EYS: variants seen among roughly 807,000 people sequenced by gnomAD.
The protein encoded by EYS is protein eyes shut homolog.
Under a neutral mutation model 282.1 loss-of-function variants are expected in EYS, and 250 were observed. That is an observed-to-expected ratio of 0.89 (90% CI 0.80 to 0.98). The LOEUF is 0.98. EYS is among the 50% of genes least tolerant of loss of function. The probability of loss-of-function intolerance (pLI) is 0.00; values close to 1 mark genes in which losing one functional copy is unlikely to be tolerated. For synonymous variants in EYS, 1,355 were observed against 1,282.9 expected, an observed-to-expected ratio of 1.06 and a Z score of -1.20; for missense variants, 4,016 against 3,709.0, an observed-to-expected ratio of 1.08 and a Z score of -2.15.
chr6:64,272,051 T>C (rs1245053230), intron 30 of EYS, among the ~76,000 whole-genome samples: 4 of 152,124 alleles, frequency 2.6e-5, no homozygotes, highest in Non-Finnish European at 5.9e-5. Flanking sequence ...ACTTTAAGTT[T>C]TGTAATATAT....
At chr6:63,943,901 G>A (rs1765313344) in intron 35 of EYS, among the ~76,000 whole-genome samples, 1 of 152,146 alleles carries the variant, frequency 6.6e-6, no homozygotes, top group South Asian at 2.1e-4. Context: ...TCAATAAGAG[G>A]TTTTCCTAAC....
At chr6:65,338,329 A>G (rs1770068689) in intron 10 of EYS, among the ~76,000 whole-genome samples, 1 of 151,220 alleles carries the variant, frequency 6.6e-6, no homozygotes, top group Admixed American at 6.6e-5. Context: ...AAATTATATC[A>G]GTAGACATAT....
chr6:64,938,530 T>A (rs75552124), intron 15 of EYS, among the ~76,000 whole-genome samples: 4,885 of 151,750 alleles, frequency 0.032, 131 homozygotes, highest in East Asian at 0.13. Context: ...ACGTGATGTC[T>A]TGTCTTTACA....
chr6:65,654,052 A>T (rs1023243881), intron 1 of EYS, among the ~76,000 whole-genome samples: 2 of 151,954 alleles, frequency 1.3e-5, no homozygotes, highest in Non-Finnish European at 1.5e-5. Context: ...TTATAGGATT[A>T]TTAGAAGTAT....
At chr6:65,207,988 A>C (rs1333447395) in intron 12 of EYS, among the ~76,000 whole-genome samples, 1 of 151,848 alleles carries the variant, frequency 6.6e-6, no homozygotes, top group Non-Finnish European at 1.5e-5. Flanking sequence ...CTAAAAGCAA[A>C]TGCAACATAA....
At chr6:64,072,379 T>G (rs980644013) in intron 32 of EYS, among the ~76,000 whole-genome samples, 1 of 147,818 alleles carries the variant, frequency 6.8e-6, no homozygotes, top group Non-Finnish European at 1.5e-5. Flanking sequence ...TAGCAGGTTG[T>G]TTTTTTTTTC....
At chr6:63,971,935 A>G (rs1364824049) in intron 35 of EYS, among the ~76,000 whole-genome samples, 1 of 152,220 alleles carries the variant, frequency 6.6e-6, no homozygotes, top group Non-Finnish European at 1.5e-5. Context: ...ATTGAAACAT[A>G]CTAAACTCAA....
intron 29 of EYS, among the ~76,000 whole-genome samples, chr6:64,348,539 G>T (rs1248458790): frequency 6.6e-6 from 1 of 151,408 alleles, no homozygotes; most frequent in Non-Finnish European, 1.5e-5. Flanking sequence ...CTGTGGTAAA[G>T]TATTCGGAAG....
intron 2 of EYS, among the ~76,000 whole-genome samples, chr6:65,561,810 A>G (rs574662313): frequency 6.6e-6 from 1 of 152,042 alleles, no homozygotes; most frequent in South Asian, 2.1e-4. Context: ...GATACATGTT[A>G]TTATAACCTT....
chr6:64,347,926 C>T (rs1771472352), intron 29 of EYS, among the ~76,000 whole-genome samples: 1 of 151,328 alleles, frequency 6.6e-6, no homozygotes, highest in Admixed American at 6.6e-5. Flanking sequence ...CTCTCAACCT[C>T]TACTCACTGA....
At chr6:63,851,155 A>T (rs1054154190) in intron 36 of EYS, among the ~76,000 whole-genome samples, 2 of 152,222 alleles carry the variant, frequency 1.3e-5, no homozygotes, top group African/African-American at 2.4e-5. Context: ...CCAATACAGG[A>T]TCATCCAGAT....
intron 36 of EYS, among the ~76,000 whole-genome samples, chr6:63,810,117 C>A (rs112906070): frequency 6.6e-6 from 1 of 150,936 alleles, no homozygotes; most frequent in African/African-American, 2.4e-5. Context: ...GAAAATTAGC[C>A]GAGTGTGGTG....
chr6:64,066,976 T>A (rs1771394235), intron 32 of EYS, among the ~76,000 whole-genome samples: 1 of 152,154 alleles, frequency 6.6e-6, no homozygotes, highest in East Asian at 1.9e-4. Context: ...ATGCATCTTC[T>A]ATCAAAATAA....
intron 31 of EYS, among the ~76,000 whole-genome samples, chr6:64,141,708 T>C (rs1302689662): frequency 6.6e-6 from 1 of 152,226 alleles, no homozygotes; most frequent in Non-Finnish European, 1.5e-5. Flanking sequence ...TCAGTTAGCA[T>C]GATCTATAGC....
intron 12 of EYS, among the ~76,000 whole-genome samples, chr6:65,077,167 A>G (rs1774080150): frequency 6.6e-6 from 1 of 152,058 alleles, no homozygotes; most frequent in Non-Finnish European, 1.5e-5. Context: ...GACAGGATCT[A>G]TTAGCCCTAA....
At chr6:63,781,345 G>A (rs1770220952) in intron 39 of EYS, among the ~76,000 whole-genome samples, 1 of 152,092 alleles carries the variant, frequency 6.6e-6, no homozygotes, top group South Asian at 2.1e-4. Context: ...TGGGCAGTAT[G>A]GCCATTTTCA....
In EYS at chr6:64,081,968, A is replaced by C. The variant is rs952558411; in HGVS notation, c.6459T>G (p.Asn2153Lys). 4 of 1,544,286 alleles carry C rather than the reference A, an allele frequency of 2.6e-6. No individual in the cohort carries two copies. The African/African-American group carries it at 5.5e-5, about 21-fold the overall frequency. Residue 2153 changes from asparagine to lysine, a missense_variant, in exon 32 of 43, where the codon AAT (asparagine) becomes AAG (lysine). Physicochemically the swap from Asn to Lys is moderately conservative, Grantham distance 94. Transcript: ENST00000503581. Reference sequence around the variant, plus strand: ...TCAAAAAGGGCAGTTCTAAATAGGAATTCCCATTGAAAGATGGAAAGAATA... The same window carrying C: ...TCAAAAAGGGCAGTTCTAAATAGGACTTCCCATTGAAAGATGGAAAGAATA... Reference protein sequence around the residue: ...AGLFFPSFNGNSYLELPFLKF... With the variant: ...AGLFFPSFNGKSYLELPFLKF...
At position 65,544,001 on chromosome 6, in the gene EYS, A is replaced by AGTGTGTGTGTGTGTGT. The variant is rs751872447; in HGVS notation, c.-332-48024_-332-48009dup. On this transcript the variant is annotated intron_variant, in intron 2 of 42. Transcript: ENST00000503581. ...TCCCACTTATTACTGAAAAAGAGAA[A>AGTGTGTGTGTGTGTGT]GTGTGTGTGTGTGTGTGTGTGTGTG... 4.8e-3 allele frequency among the ~76,000 whole-genome samples: 693 copies of AGTGTGTGTGTGTGTGT among 145,002 alleles called. 6 individuals are homozygous for AGTGTGTGTGTGTGTGT. Among genetic ancestry groups the AGTGTGTGTGTGTGTGT allele is most frequent in the Middle Eastern group, 0.017 (5 of 292 alleles).
At position 64,153,240 on chromosome 6, in the gene EYS, G is replaced by GA. The variant is rs201911136; in HGVS notation, c.6425-71239dup. On this transcript the variant is annotated intron_variant, in intron 31 of 42. Transcript: ENST00000503581. ...TTTGTGCATAGTCGCACATAAACAG[G>GA]AAAAAAATGAGGATTTGAACCTAGA... Among the ~76,000 whole-genome samples the GA allele has an allele frequency of 7.2e-5, 11 of 152,076 alleles. No homozygotes were observed. In the South Asian group the frequency reaches 1.7e-3, roughly 23 times the overall value.
Sources: allele counts gnomAD v4.1 joint callset (sites outside exome capture counted in the v4.1 genomes callset), GRCh38; gene constraint gnomAD v4.1.1; transcripts MANE v1.5; gene names NCBI Gene and HGNC (gene_info 2026-07-23, HGNC 2026-07-21).